ARHGAP24: variants seen among roughly 807,000 people sequenced by gnomAD.
ARHGAP24 encodes Rho GTPase activating protein 24, also known as rho GTPase-activating protein 24.
ARHGAP24 carries 50 observed loss-of-function variants against 76.4 expected under a neutral mutation model. The observed-to-expected ratio is 0.65, with a 90% CI of 0.52 to 0.83. The LOEUF (loss-of-function observed/expected upper bound fraction) is 0.83. Among genes scored for constraint, ARHGAP24 ranks in the 40% least tolerant of loss-of-function variants. ARHGAP24 has a pLI of 0.00. For synonymous variants in ARHGAP24, 345 were observed against 323.3 expected (o/e 1.07, Z -0.72); for missense variants, 930 against 914.2 (o/e 1.02, Z -0.22).
chr4:85,897,149 T>C (rs1734223516), intron 3 of ARHGAP24, among the ~76,000 whole-genome samples: 1 of 152,020 alleles, frequency 6.6e-6, no homozygotes, highest in Non-Finnish European at 1.5e-5. Flanking sequence ...ATAGGATGAG[T>C]TCTTGAAAGG....
In ARHGAP24 at chr4:85,851,398, G is replaced by T. The variant is rs145769901; in HGVS notation, c.269-72250G>T. Among the ~76,000 whole-genome samples the T allele has an allele frequency of 5.6e-3, 858 of 152,178 alleles. 11 individuals carry two copies. The highest frequency in any genetic ancestry group is 0.02 in the African/African-American group (816 of 41,540). ...GCACGTTGATGGGTCTCGAATCTTTGTCCAGTTTGTCAGTCTGTGTCTTTT... is the reference window on the plus strand; with the variant it reads ...GCACGTTGATGGGTCTCGAATCTTTTTCCAGTTTGTCAGTCTGTGTCTTTT... On this transcript the variant is annotated intron_variant, in intron 3 of 9. Coordinates refer to ENST00000395184, the MANE Select transcript of ARHGAP24 (RefSeq NM_001025616.3).
chr4:85,802,136 G>A (rs1322483768), intron 3 of ARHGAP24, among the ~76,000 whole-genome samples: 1 of 152,054 alleles, frequency 6.6e-6, no homozygotes, highest in Non-Finnish European at 1.5e-5. Context: ...ATAATGTTTG[G>A]ATAAGAATTA....
At chr4:85,743,897 A>G (rs767390085) in intron 3 of ARHGAP24, among the ~76,000 whole-genome samples, 10 of 152,232 alleles carry the variant, frequency 6.6e-5, no homozygotes, top group Admixed American at 2.6e-4. Context: ...CATATAACAC[A>G]GAAGTATGGT....
At chr4:85,895,930 G>A (rs186659289) in intron 3 of ARHGAP24, among the ~76,000 whole-genome samples, 1 of 152,290 alleles carries the variant, frequency 6.6e-6, no homozygotes, top group East Asian at 1.9e-4. Context: ...CTGTTTCAGA[G>A]GTTGTTTATA....
chr4:85,919,437 A>G (rs1396083086), intron 3 of ARHGAP24, among the ~76,000 whole-genome samples: 1 of 152,182 alleles, frequency 6.6e-6, no homozygotes, highest in Non-Finnish European at 1.5e-5. Context: ...AATTATATCT[A>G]CATAATTGTT....
At chr4:85,728,670 C>T (rs1327115667) in intron 3 of ARHGAP24, among the ~76,000 whole-genome samples, 1 of 152,102 alleles carries the variant, frequency 6.6e-6, no homozygotes, top group Non-Finnish European at 1.5e-5. Flanking sequence ...CTTCAACCTA[C>T]TTAGATGGTT....
At chr4:85,744,666 C>G (rs1389928146) in intron 3 of ARHGAP24, among the ~76,000 whole-genome samples, 1 of 151,922 alleles carries the variant, frequency 6.6e-6, no homozygotes, top group African/African-American at 2.4e-5. Flanking sequence ...AGAGGCAAAC[C>G]AAGAAGTTAC....
intron 5 of ARHGAP24, among the ~76,000 whole-genome samples, chr4:85,954,364 C>T (rs973611832): frequency 6.6e-6 from 1 of 152,186 alleles, no homozygotes; most frequent in East Asian, 1.9e-4. Flanking sequence ...CATTTGAGCT[C>T]CTTTAGTAGT....
At chr4:85,745,435 T>C (rs1002651221) in intron 3 of ARHGAP24, among the ~76,000 whole-genome samples, 4 of 147,760 alleles carry the variant, frequency 2.7e-5, no homozygotes, top group South Asian at 4.2e-4. Flanking sequence ...AATATATATA[T>C]ACACATATGC....
intron 1 of ARHGAP24, among the ~76,000 whole-genome samples, chr4:85,504,177 G>A (rs931289948): frequency 2.7e-4 from 41 of 152,304 alleles, no homozygotes; most frequent in African/African-American, 8.2e-4. Context: ...GTGGTGCTGA[G>A]AAGAATGTAT....
chr4:85,764,888 T>C (rs376530860), intron 3 of ARHGAP24, among the ~76,000 whole-genome samples: 39 of 152,266 alleles, frequency 2.6e-4, no homozygotes, highest in African/African-American at 8.7e-4. Context: ...ATTCTGCCTG[T>C]GTTTATGTTT....
At chr4:85,722,389 A>C (rs968746597) in intron 3 of ARHGAP24, 49 of 200,590 alleles carry the variant, frequency 2.4e-4, no homozygotes, top group African/African-American at 1.0e-3. Flanking sequence ...AAAAAACAAA[A>C]AAAAAAACAA....
At chr4:85,743,858 A>G (rs1190331171) in intron 3 of ARHGAP24, among the ~76,000 whole-genome samples, 3 of 152,212 alleles carry the variant, frequency 2.0e-5, no homozygotes, top group African/African-American at 7.2e-5. Context: ...GCACTACTTT[A>G]TCATTAATTA....
At chr4:85,562,219 A>C (rs1381708988) in intron 1 of ARHGAP24, among the ~76,000 whole-genome samples, 1 of 152,234 alleles carries the variant, frequency 6.6e-6, no homozygotes, top group Non-Finnish European at 1.5e-5. Context: ...TATGGAAAGA[A>C]TCCATCATAT....
At chr4:85,487,026 T>C (rs1423130461) in intron 1 of ARHGAP24, among the ~76,000 whole-genome samples, 1 of 151,510 alleles carries the variant, frequency 6.6e-6, no homozygotes, top group East Asian at 1.9e-4. Context: ...TGTAATGTTT[T>C]CAAATTTAAG....
chr4:85,908,803 A>G (rs1022027409), intron 3 of ARHGAP24, among the ~76,000 whole-genome samples: 1 of 152,144 alleles, frequency 6.6e-6, no homozygotes, highest in Non-Finnish European at 1.5e-5. Flanking sequence ...AGGGAAGTAC[A>G]TACAGATAGT....
intron 3 of ARHGAP24, among the ~76,000 whole-genome samples, chr4:85,748,967 G>A (rs1233158427): frequency 6.6e-6 from 1 of 152,124 alleles, no homozygotes; most frequent in Admixed American, 6.5e-5. Flanking sequence ...CCTCAACGTG[G>A]CAGAATACGG....
intron 3 of ARHGAP24, among the ~76,000 whole-genome samples, chr4:85,851,530 T>C (rs2110162979): frequency 6.6e-6 from 1 of 152,338 alleles, no homozygotes; most frequent in East Asian, 1.9e-4. Flanking sequence ...GTTGATGCCG[T>C]TTCTTCCTAG....
intron 1 of ARHGAP24, among the ~76,000 whole-genome samples, chr4:85,500,509 G>A (rs369691150): frequency 2.6e-5 from 4 of 152,290 alleles, no homozygotes; most frequent in African/African-American, 9.6e-5. Flanking sequence ...TTTAGAGTGA[G>A]GACTGTATAA....
Sources: allele counts gnomAD v4.1 joint callset (sites outside exome capture counted in the v4.1 genomes callset), GRCh38; gene constraint gnomAD v4.1.1; transcripts MANE v1.5; gene names NCBI Gene and HGNC (gene_info 2026-07-23, HGNC 2026-07-21).